The following RAD54B variants were observed in gnomAD, a reference collection of about 807,000 sequenced individuals.
The protein encoded by RAD54B is RAD54 homolog B.
RAD54B carries 78 observed loss-of-function variants against 95.8 expected under a neutral mutation model. The ratio of observed to expected loss-of-function variants is 0.81; its 90% CI spans 0.68 to 0.98. RAD54B has a LOEUF of 0.98. RAD54B is among the 50% of genes least tolerant of loss of function. The pLI is 0.00. For synonymous variants in RAD54B, 328 were observed against 354.9 expected, an observed-to-expected ratio of 0.92 and a Z score of 0.85; for missense variants, 957 against 1,056.6, an observed-to-expected ratio of 0.91 and a Z score of 1.31.
In RAD54B at chr8:94,400,381, G is replaced by C. The variant is rs1161676427; in HGVS notation, c.1027C>G (p.Leu343Val). The C allele has an allele frequency of 6.2e-7, 1 of 1,613,752 alleles. No individual in the cohort carries two copies. Among genetic ancestry groups the C allele is most frequent in the Admixed American group, 1.7e-5 (1 of 59,918 alleles). ...TLQCISLIWT[L>V]QCQGPYGGKP... ...CCTCCATAGGGTCCCTGACACTGCA[G>C]GGTCCAGATGAGCGAAATACATTGC... The change falls in exon 7 of 15, where the codon CTG becomes GTG. Residue 343 changes from leucine to valine, a missense_variant. Coordinates refer to ENST00000336148, the MANE Select transcript of RAD54B (RefSeq NM_012415.3).
chr8:94,430,728 T>A, intron 3 of RAD54B: 1 of 955,952 alleles, frequency 1.0e-6, no homozygotes, highest in Non-Finnish European at 1.2e-6. Context: ...TTTGTGTTAT[T>A]TGCAAACATT....
At chr8:94,432,432 T>C in intron 3 of RAD54B, 1 of 1,550,460 alleles carries the variant, frequency 6.4e-7, no homozygotes, top group East Asian at 2.4e-5. Context: ...CATTCTCATA[T>C]CAACAGAGGA....
intron 10 of RAD54B, chr8:94,387,400 C>T (rs916047149): frequency 3.1e-6 from 1 of 321,768 alleles, no homozygotes; most frequent in Non-Finnish European, 5.6e-6. Context: ...CTTCACCCTG[C>T]AAGTGTAGTA....
intron 2 of RAD54B, among the ~76,000 whole-genome samples, chr8:94,464,845 T>A (rs896444559): frequency 3.9e-5 from 6 of 151,974 alleles, no homozygotes; most frequent in African/African-American, 1.5e-4. Context: ...CAGAAGCTTA[T>A]AATTAGGGCA....
At chr8:94,451,959 G>A (rs1044093941) in intron 3 of RAD54B, among the ~76,000 whole-genome samples, 4 of 152,144 alleles carry the variant, frequency 2.6e-5, no homozygotes, top group African/African-American at 9.7e-5. Context: ...CCATAAACTG[G>A]GTAGCTTATA....
chr8:94,467,907 T>G (rs948688107), intron 1 of RAD54B: 1 of 164,994 alleles, frequency 6.1e-6, no homozygotes, highest in South Asian at 1.8e-4. Context: ...CACCACCAAA[T>G]GGAAAATACT....
chr8:94,459,722 C>T (rs1812858052), intron 2 of RAD54B, among the ~76,000 whole-genome samples: 2 of 150,832 alleles, frequency 1.3e-5, no homozygotes, highest in African/African-American at 4.9e-5. Flanking sequence ...TAGCCAGACA[C>T]GGTGGTGCAC....
chr8:94,400,173 G>A, intron 7 of RAD54B, 65 bp downstream of exon 7: 1 of 1,406,136 alleles, frequency 7.1e-7, no homozygotes, highest in Non-Finnish European at 9.9e-7. Context: ...AGTAAAAACT[G>A]AATTACTGAT....
intron 3 of RAD54B, among the ~76,000 whole-genome samples, chr8:94,441,925 T>C (rs1325741523): frequency 2.6e-5 from 4 of 152,174 alleles, no homozygotes; most frequent in Non-Finnish European, 5.9e-5. Context: ...TATTATTAAC[T>C]TCAGTTGGAG....
At chr8:94,469,959 A>G (rs1190636564) in intron 1 of RAD54B, among the ~76,000 whole-genome samples, 1 of 152,246 alleles carries the variant, frequency 6.6e-6, no homozygotes, top group African/African-American at 2.4e-5. Flanking sequence ...GATGGAAAAC[A>G]AGGACATTAC....
chr8:94,389,027 C>T (rs1810955297), intron 10 of RAD54B, among the ~76,000 whole-genome samples: 1 of 152,202 alleles, frequency 6.6e-6, no homozygotes, highest in Non-Finnish European at 1.5e-5. Flanking sequence ...TATGCACGTG[C>T]ATTCTGTCCT....
At chr8:94,438,978 G>A (rs2130129053) in intron 3 of RAD54B, among the ~76,000 whole-genome samples, 1 of 152,252 alleles carries the variant, frequency 6.6e-6, no homozygotes, top group Middle Eastern at 3.4e-3. Context: ...TGTAGTTCCA[G>A]CTATTCGGGA....
chr8:94,378,617 C>T lies in RAD54B; in HGVS notation c.2265G>A (p.Trp755Ter). The change falls in exon 13 of 15, where the codon TGG becomes TGA. Residue 755 changes from tryptophan to a stop codon, truncating the protein, a stop_gained. Transcript: ENST00000336148. LOFTEE classifies it high-confidence loss of function. ...ATDIQAMSRV[W>*]RDGQKYPVHI... ...GTACAGGATATTTCTGACCATCTCTCCATACTCTAGACATTGCCTATAGAA... is the reference window on the plus strand; with the variant it reads ...GTACAGGATATTTCTGACCATCTCTTCATACTCTAGACATTGCCTATAGAA... The T allele has an allele frequency of 6.2e-7, 1 of 1,609,414 alleles. No homozygotes were observed. Among genetic ancestry groups the T allele is most frequent in the East Asian group, 2.2e-5 (1 of 44,786 alleles).
chr8:94,459,732 C>T (rs535250736), intron 2 of RAD54B, among the ~76,000 whole-genome samples: 1 of 151,616 alleles, frequency 6.6e-6, no homozygotes, highest in South Asian at 2.1e-4. Context: ...CGGTGGTGCA[C>T]GCCTGTAATC....
intron 3 of RAD54B, among the ~76,000 whole-genome samples, chr8:94,438,359 A>G (rs1812319839): frequency 6.6e-6 from 1 of 152,230 alleles, no homozygotes; most frequent in South Asian, 2.1e-4. Flanking sequence ...ATTTGATTCC[A>G]TAATAGTTCT....
rs1173900820 is a variant in RAD54B at position 94,387,029 on chromosome 8, A to G, written c.1940T>C (p.Leu647Ser). ...GTGGATAACCGCTAAGAGCTTGGAC[A>G]ACACCTGTAGTTTTCCTGACTCCTT... is the stretch of plus-strand genomic sequence containing the variant. ...TEKESGKLQV[L>S]SKLLAVIHEL... The change falls in exon 11 of 15, where the codon TTG (leucine) becomes TCG (serine). Residue 647 changes from leucine to serine, a missense_variant. Leu to Ser is a moderately radical substitution (Grantham distance 145). Coordinates refer to ENST00000336148, the MANE Select transcript of RAD54B (RefSeq NM_012415.3). The G allele has an allele frequency of 1.2e-6, 2 of 1,611,490 alleles. No individual in the cohort carries two copies. Among genetic ancestry groups the G allele is most frequent in the African/African-American group, 2.7e-5 (2 of 74,724 alleles).
rs562231984 is a variant in RAD54B at position 94,376,311 on chromosome 8, GA to G, written c.2515+1868del. Among the ~76,000 whole-genome samples, 649 of 152,024 alleles carry G rather than the reference GA, an allele frequency of 4.3e-3. 4 individuals are homozygous for G. Among genetic ancestry groups the G allele is most frequent in the Non-Finnish European group, 4.9e-3 (331 of 67,912 alleles). ...ACTTTTAAATAACTCATGAGACAAA[GA>G]AGAAATCATAATGAAAAAACAAAAT... On this transcript the variant is annotated intron_variant, in intron 14 of 14. Coordinates refer to ENST00000336148, the MANE Select transcript of RAD54B (RefSeq NM_012415.3).
intron 9 of RAD54B, among the ~76,000 whole-genome samples, chr8:94,393,252 G>A (rs12682038): frequency 0.25 from 37,373 of 151,966 alleles, 5,614 homozygotes; most frequent in East Asian, 0.43. Flanking sequence ...TTGTGCCAAC[G>A]TACATTCCAA....
intron 11 of RAD54B, among the ~76,000 whole-genome samples, chr8:94,384,914 G>A (rs1810833650): frequency 6.6e-6 from 1 of 152,180 alleles, no homozygotes; most frequent in South Asian, 2.1e-4. Context: ...GACCAGCCTG[G>A]GCAACATGGT....
Sources: allele counts gnomAD v4.1 joint callset (sites outside exome capture counted in the v4.1 genomes callset), GRCh38; gene constraint gnomAD v4.1.1; transcripts MANE v1.5; gene names NCBI Gene and HGNC (gene_info 2026-07-23, HGNC 2026-07-21).